Variants in CLSTN2 observed in about 807,000 individuals in gnomAD.
The protein encoded by CLSTN2 is calsyntenin-2.
Under a neutral mutation model 101.2 loss-of-function variants are expected in CLSTN2, and 48 were observed. The ratio of observed to expected loss-of-function variants is 0.47; its 90% CI spans 0.38 to 0.60. The LOEUF (loss-of-function observed/expected upper bound fraction) is 0.60, where lower values mean the gene tolerates loss of function less well. CLSTN2 is among the 20% of genes least tolerant of loss of function. The pLI, the probability that CLSTN2 is intolerant of heterozygous loss-of-function variation, is 0.00. For missense variants in CLSTN2, 1,160 were observed against 1,238.2 expected (o/e 0.94, Z 0.95); for synonymous variants, 481 against 463.6 (o/e 1.04, Z -0.48).
At chr3:140,161,095 A>G (rs147925046) in intron 1 of CLSTN2, among the ~76,000 whole-genome samples, 3 of 152,178 alleles carry the variant, frequency 2.0e-5, no homozygotes, top group African/African-American at 4.8e-5. Context: ...TCAGTTAGCA[A>G]TTTTGGGATG....
At chr3:140,473,045 T>C (rs1933889729) in intron 8 of CLSTN2, among the ~76,000 whole-genome samples, 1 of 152,220 alleles carries the variant, frequency 6.6e-6, no homozygotes, top group African/African-American at 2.4e-5. Context: ...CCTGGGCTTC[T>C]CAGGTCAGAG....
At chr3:140,342,589 A>G (rs951724637) in intron 2 of CLSTN2, among the ~76,000 whole-genome samples, 2 of 152,180 alleles carry the variant, frequency 1.3e-5, no homozygotes, top group African/African-American at 4.8e-5. Context: ...GCCATGTAAC[A>G]ACGCATAATG....
At position 140,404,561 on chromosome 3, in the gene CLSTN2, C is replaced by T. The variant is rs748384459; in HGVS notation, c.432C>T (p.Ala144=). Residue 144 remains alanine (A), a synonymous_variant, in exon 4 of 17, where the codon GCC becomes GCT. Coordinates refer to ENST00000458420, the MANE Select transcript of CLSTN2 (RefSeq NM_022131.3). ...HETAWKKSHK[A]VVHIQVKDVN... Reference sequence around the variant, plus strand: ...TCCTTTCTGTGTGTGGTCCCAGGGCCGTGGTCCATATACAGGTGAAGGATG... The same window carrying T: ...TCCTTTCTGTGTGTGGTCCCAGGGCTGTGGTCCATATACAGGTGAAGGATG... 12 of 1,613,862 alleles carry T rather than the reference C, an allele frequency of 7.4e-6. No homozygotes were observed. Among genetic ancestry groups the T allele is most frequent in the South Asian group, 3.3e-5 (3 of 91,064 alleles).
intron 1 of CLSTN2, among the ~76,000 whole-genome samples, chr3:139,987,574 G>A (rs1242017933): frequency 6.6e-6 from 1 of 152,148 alleles, no homozygotes; most frequent in African/African-American, 2.4e-5. Context: ...ATATTGCATA[G>A]GTAAGAGAGA....
intron 2 of CLSTN2, among the ~76,000 whole-genome samples, chr3:140,255,696 C>T (rs1430612513): frequency 6.6e-6 from 1 of 152,098 alleles, no homozygotes; most frequent in African/African-American, 2.4e-5. Flanking sequence ...ACACCAAACC[C>T]CCATGACCAT....
rs141580392 is a variant in CLSTN2, at chr3:140,065,580, TG to T, written c.110-110366del. 5.7e-3 allele frequency among the ~76,000 whole-genome samples: 875 copies of T among 152,286 alleles called. 8 individuals are homozygous for T. The highest frequency in any genetic ancestry group is 0.02 in the African/African-American group (843 of 41,542). ...TCCTGAGAGGAGAAGCCAGGAGCACTGGGGGCAGAGAGAGTTGCCCTGGAAA... is the reference window on the plus strand; with the variant it reads ...TCCTGAGAGGAGAAGCCAGGAGCACTGGGGCAGAGAGAGTTGCCCTGGAAA... On this transcript the variant is annotated intron_variant, in intron 1 of 16. Transcript: ENST00000458420.
chr3:140,088,471 G>A (rs1178806944), intron 1 of CLSTN2, among the ~76,000 whole-genome samples: 1 of 152,074 alleles, frequency 6.6e-6, no homozygotes, highest in African/African-American at 2.4e-5. Context: ...GAATCCAGCT[G>A]AGCCACAATT....
rs777399872 is a variant in CLSTN2 at position 140,558,724 on chromosome 3, C to T, written c.1908C>T (p.Thr636=). 6.2e-7 allele frequency: 1 copy of T among 1,613,968 alleles called. No individual in the cohort carries two copies. The highest frequency in any genetic ancestry group is 1.1e-5 in the South Asian group (1 of 91,066). ...MVLQAIEPRI[T]LRGTDHFWRP... is the part of the protein sequence containing the mutation. ...TCCAGGCCATCGAGCCCCGGATCAC[C>T]CTCCGGGGCACAGACCACTTCTGGA... Residue 636 remains threonine, a synonymous_variant, in exon 12 of 17, where the codon ACC becomes ACT. Transcript: ENST00000458420.
chr3:139,961,054 A>G (rs1935499390), intron 1 of CLSTN2, among the ~76,000 whole-genome samples: 1 of 152,168 alleles, frequency 6.6e-6, no homozygotes, highest in Non-Finnish European at 1.5e-5. Flanking sequence ...CACTAGAGAT[A>G]CAAAACTGAG....
rs1456471507 is a variant in CLSTN2, at chr3:140,199,913, G to A, written c.232+23840G>A. Among the ~76,000 whole-genome samples, 8 of 152,334 alleles carry A rather than the reference G, an allele frequency of 5.3e-5. No homozygotes were observed. In the East Asian group the frequency reaches 1.5e-3, roughly 29 times the overall value. On this transcript the variant is annotated intron_variant, in intron 2 of 16. Transcript: ENST00000458420. The stretch of plus-strand genomic sequence containing the variant: ...AGCCAAACAGTGTATGTTTGAAATT[G>A]CAAAGGTCTTTTAAATTTAGTGGCA...
chr3:140,116,239 A>G (rs753047501), intron 1 of CLSTN2, among the ~76,000 whole-genome samples: 3 of 152,204 alleles, frequency 2.0e-5, no homozygotes, highest in Non-Finnish European at 4.4e-5. Flanking sequence ...CTTTAAACTC[A>G]GTAAAATTCA....
At chr3:140,301,499 C>A (rs965322364) in intron 2 of CLSTN2, among the ~76,000 whole-genome samples, 8 of 152,146 alleles carry the variant, frequency 5.3e-5, no homozygotes, top group African/African-American at 1.7e-4. Context: ...TGCTCTGTGG[C>A]GAGATTATAT....
chr3:140,197,765 C>T (rs141584522), intron 2 of CLSTN2, among the ~76,000 whole-genome samples: 57 of 152,300 alleles, frequency 3.7e-4, no homozygotes, highest in African/African-American at 1.3e-3. Context: ...AATTATCTGG[C>T]TCAAAATGTC....
At chr3:140,478,779 AGGAAG>A (rs1448153580) in intron 8 of CLSTN2, among the ~76,000 whole-genome samples, 17 of 116,112 alleles carry the variant, frequency 1.5e-4, no homozygotes, top group African/African-American at 3.5e-4. Flanking sequence ...AAAAAGAGGG[AGGAAG>A]GGAAGGGAAG....
At chr3:140,313,931 T>G (rs2087201471) in intron 2 of CLSTN2, among the ~76,000 whole-genome samples, 3 of 152,208 alleles carry the variant, frequency 2.0e-5, no homozygotes, top group Admixed American at 6.5e-5. Context: ...GTTGTCCCCT[T>G]TGACCTGCCC....
chr3:140,260,392 A>G (rs1230399820), intron 2 of CLSTN2, among the ~76,000 whole-genome samples: 1 of 151,742 alleles, frequency 6.6e-6, no homozygotes, highest in East Asian at 1.9e-4. Context: ...TCTTTTTTCT[A>G]TTTTTAGTTT....
intron 1 of CLSTN2, among the ~76,000 whole-genome samples, chr3:140,170,678 C>T (rs536095006): frequency 6.6e-6 from 1 of 152,286 alleles, no homozygotes; most frequent in African/African-American, 2.4e-5. Flanking sequence ...GAGGGAAAAA[C>T]CTCAACTTTT....
chr3:139,955,112 C>CTATATATATATATATA (rs58418059), intron 1 of CLSTN2, among the ~76,000 whole-genome samples: 5,903 of 70,966 alleles, frequency 0.083, 924 homozygotes, highest in African/African-American at 0.11. Context: ...GGCAATATTG[C>CTATATATATATATATA]TATATATATA....
At chr3:140,046,691 T>C (rs993491896) in intron 1 of CLSTN2, among the ~76,000 whole-genome samples, 1 of 152,186 alleles carries the variant, frequency 6.6e-6, no homozygotes, top group African/African-American at 2.4e-5. Flanking sequence ...CTTCAGGAGC[T>C]CTTGTAGGGC....
Sources: gnomAD v4.1 joint callset for allele counts (sites outside exome capture counted in the v4.1 genomes callset) on GRCh38, gnomAD v4.1.1 for gene constraint, MANE v1.5 for transcripts, NCBI Gene and HGNC (gene_info 2026-07-23, HGNC 2026-07-21) for gene names.